Variants in PLOD1 observed in about 807,000 individuals in gnomAD.
PLOD1 encodes lysine hydroxylase.
PLOD1 carries 70 observed loss-of-function variants against 94.7 expected under a neutral mutation model. The observed-to-expected ratio is 0.74, with a 90% CI of 0.61 to 0.90. The LOEUF is 0.90. Among genes scored for constraint, PLOD1 ranks in the 40% least tolerant of loss-of-function variants. The pLI is 0.00. For synonymous variants in PLOD1, 417 were observed against 400.2 expected (o/e 1.04, Z -0.50); for missense variants, 905 against 972.7 (o/e 0.93, Z 0.93).
In PLOD1 at chr1:11,950,646, T is replaced by C. The variant is rs541998125; in HGVS notation, c.466+126T>C. ...GGTCTCCAGTGCAGAATGTCCTGAATAGAGCTCCTGACTTTTCAACCCCAA... is the reference window on the plus strand; with the variant it reads ...GGTCTCCAGTGCAGAATGTCCTGAACAGAGCTCCTGACTTTTCAACCCCAA... On this transcript the variant is annotated intron_variant, in intron 4 of 18. Coordinates refer to ENST00000196061, the MANE Select transcript of PLOD1 (RefSeq NM_000302.4). The C allele has an allele frequency of 3.9e-4, 307 of 796,390 alleles. 2 individuals are homozygous for C. In the South Asian group the frequency reaches 4.9e-3, roughly 13 times the overall value. The allele number at this position is 796,390 out of a possible 1,614,324, so 49.3% of individuals were successfully genotyped here.
chr1:11,972,672 C>A lies in PLOD1; in HGVS notation c.1903-200C>A. 1.7e-6 allele frequency: 1 copy of A among 585,974 alleles called. No homozygotes were observed. Among genetic ancestry groups the A allele is most frequent in the Non-Finnish European group, 3.1e-6 (1 of 319,668 alleles). The allele number at this position is 585,974 out of a possible 1,614,324, so 36.3% of individuals were successfully genotyped here. On this transcript the variant is annotated intron_variant, in intron 17 of 18. Transcript: ENST00000196061. The surrounding 1 kb of genome is among the most constrained non-coding windows in gnomAD (Gnocchi z 4.6). ...TCTCTTCCTTCCCTCCCTCTCTCCC[C>A]TCTGTCCATACATTTTTGTTGAGAA... is the stretch of plus-strand genomic sequence containing the variant.
At chr1:11,969,244 C>A (rs1645844354) in intron 16 of PLOD1, among the ~76,000 whole-genome samples, 2 of 152,106 alleles carry the variant, frequency 1.3e-5, no homozygotes, top group Admixed American at 1.3e-4. Context: ...CCACCTTGGC[C>A]TCCCAAAGTG....
At chr1:11,960,893 C>A in intron 10 of PLOD1, 126 bp downstream of exon 10, 1 of 1,382,046 alleles carries the variant, frequency 7.2e-7, no homozygotes, top group African/African-American at 1.4e-5. Context: ...GTTCCTGCCC[C>A]TTTCTGGGCC....
In PLOD1 at chr1:11,975,184, G is replaced by T; in HGVS notation, c.*376G>T. On this transcript the variant is annotated 3_prime_UTR_variant, in exon 19 of 19. Coordinates refer to ENST00000196061, the MANE Select transcript of PLOD1 (RefSeq NM_000302.4). ...CCAAGTTGCCCAGAAAGACTGTCTG[G>T]GTGAGAAGCCATGGCCAGAGCTTCT... 3.0e-6 allele frequency: 1 copy of T among 334,878 alleles called. No individual in the cohort carries two copies. The allele number at this position is 334,878 out of a possible 1,614,324, so 20.7% of individuals were successfully genotyped here. A position where few individuals can be genotyped will look rare whatever the true frequency, so the allele number is the denominator to read the frequency against.
At chr1:11,948,262 G>A (rs1645671210) in intron 2 of PLOD1, among the ~76,000 whole-genome samples, 195 bp downstream of exon 2, 1 of 152,194 alleles carries the variant, frequency 6.6e-6, no homozygotes, top group Non-Finnish European at 1.5e-5. Flanking sequence ...AGTCTAGGGG[G>A]TGATGGAGAG....
Position 11,958,891 on chromosome 1 carries a change from C to T in PLOD1, c.975+244C>T, listed in dbSNP as rs75462716. ...GGGCACATTACTCAACCTCTCTGTG[C>T]TTTAGTTTCTCATCTATAAAATAGG... is the stretch of plus-strand genomic sequence containing the variant. On this transcript the variant is annotated intron_variant, in intron 9 of 18. Transcript: ENST00000196061. The surrounding 1 kb of genome is among the most constrained non-coding windows in gnomAD (Gnocchi z 4.3). Among the ~76,000 whole-genome samples the T allele has an allele frequency of 3.9e-3, 599 of 152,274 alleles. 8 individuals are homozygous for T. Among genetic ancestry groups the T allele is most frequent in the East Asian group, 0.027 (139 of 5,180 alleles).
chr1:11,956,889 G>A (rs1267282942), intron 6 of PLOD1, 28 bp from the exon 7 acceptor site: 3 of 1,509,010 alleles, frequency 2.0e-6, no homozygotes, highest in South Asian at 1.1e-5. Context: ...GTCTGATGCT[G>A]GGTGGGACTG....
chr1:11,962,857 A>G (rs1557494981), intron 10 of PLOD1, among the ~76,000 whole-genome samples: 1 of 152,046 alleles, frequency 6.6e-6, no homozygotes, highest in Admixed American at 6.5e-5. Flanking sequence ...CCTGGCCAAC[A>G]TGGTAAAACC....
chr1:11,969,220 C>T (rs1645844123), intron 16 of PLOD1, among the ~76,000 whole-genome samples: 1 of 151,608 alleles, frequency 6.6e-6, no homozygotes, highest in Non-Finnish European at 1.5e-5. Context: ...AACTCCTGAC[C>T]TCCGGTGATC....
intron 10 of PLOD1, among the ~76,000 whole-genome samples, chr1:11,961,390 CAAAACA>C (rs1645777148): frequency 6.6e-6 from 1 of 152,088 alleles, no homozygotes; most frequent in Non-Finnish European, 1.5e-5. Context: ...TCTCATAAAG[CAAAACA>C]AAAACAAAGA....
At position 11,963,388 on chromosome 1, in the gene PLOD1, G is replaced by A. The variant is rs1045008182; in HGVS notation, c.1098-144G>A. ...GTCCAGGGGTTTGGGACTCAGAGTC[G>A]GGAGGAACCTTTGAGGCTGCTGGTG... On this transcript the variant is annotated intron_variant, in intron 10 of 18. Coordinates refer to ENST00000196061, the MANE Select transcript of PLOD1 (RefSeq NM_000302.4). This position sits in a 1 kb window ranked among gnomAD's most constrained non-coding sequence, Gnocchi z 4.3. The A allele has an allele frequency of 1.2e-5, 8 of 681,836 alleles. No homozygotes were observed. Among genetic ancestry groups the A allele is most frequent in the African/African-American group, 3.5e-5 (2 of 56,848 alleles). The allele number at this position is 681,836 out of a possible 1,614,324, so 42.2% of individuals were successfully genotyped here.
intron 4 of PLOD1, 31 bp from the exon 5 acceptor site, chr1:11,952,592 C>T (rs1460423965): frequency 1.1e-5 from 16 of 1,514,786 alleles, no homozygotes; most frequent in Admixed American, 1.7e-5. Context: ...GCTAAGGGTC[C>T]GTCTTGGTGT....
At chr1:11,970,634 G>T in intron 16 of PLOD1, 36 bp from the exon 17 acceptor site, 2 of 1,610,886 alleles carry the variant, frequency 1.2e-6, no homozygotes, top group Non-Finnish European at 1.7e-6. Flanking sequence ...GGCCATCCTA[G>T]AATTCTGCCT....
intron 16 of PLOD1, 118 bp downstream of exon 16, chr1:11,967,209 A>G: frequency 1.4e-6 from 1 of 713,540 alleles, no homozygotes; most frequent in East Asian, 2.6e-5. Flanking sequence ...CTCTTGACAT[A>G]GGGGTGCTGG....
chr1:11,951,304 G>A (rs1275842995), intron 4 of PLOD1, among the ~76,000 whole-genome samples: 1 of 151,916 alleles, frequency 6.6e-6, no homozygotes, highest in African/African-American at 2.4e-5. Flanking sequence ...GGTGGCTCAC[G>A]CCTGTAATGT....
rs560328672 is a variant in PLOD1 at position 11,957,137 on chromosome 1, A to C, written c.741+123A>C. 58 of 778,924 alleles carry C rather than the reference A, an allele frequency of 7.4e-5. No individual in the cohort carries two copies. The highest frequency in any genetic ancestry group is 1.4e-4 in the Non-Finnish European group (57 of 419,928). The allele number at this position is 778,924 out of a possible 1,614,324, so 48.3% of individuals were successfully genotyped here. ...CCTTCCTGGGGCCTGCTATGAACTC[A>C]CTGCCTCTGTCCTCACATCTGAGCT... On this transcript the variant is annotated intron_variant, in intron 7 of 18. Coordinates refer to ENST00000196061, the MANE Select transcript of PLOD1 (RefSeq NM_000302.4). The surrounding 1 kb of genome is among the most constrained non-coding windows in gnomAD (Gnocchi z 4.1).
intron 1 of PLOD1, among the ~76,000 whole-genome samples, chr1:11,937,451 G>A (rs1376875803): frequency 1.3e-5 from 2 of 152,186 alleles, no homozygotes; most frequent in Non-Finnish European, 2.9e-5. Context: ...TGATGGAAAC[G>A]CTGACCACCG....
chr1:11,941,174 A>G (rs1178948455), intron 1 of PLOD1, among the ~76,000 whole-genome samples: 1 of 152,250 alleles, frequency 6.6e-6, no homozygotes, highest in Non-Finnish European at 1.5e-5. Context: ...TGCCTCATAC[A>G]GCACACGGTA....
chr1:11,967,955 A>ATTT (rs550083636), intron 16 of PLOD1, among the ~76,000 whole-genome samples: 1 of 138,990 alleles, frequency 7.2e-6, no homozygotes. Flanking sequence ...GTGTGTGTAA[A>ATTT]TTTTTTTTTT....
Sources: gnomAD v4.1 joint callset for allele counts (sites outside exome capture counted in the v4.1 genomes callset) on GRCh38, gnomAD v4.1.1 for gene constraint, Gnocchi (gnomAD v3.1) non-coding constraint, MANE v1.5 for transcripts, NCBI Gene and HGNC (gene_info 2026-07-23, HGNC 2026-07-21) for gene names.